LMO7: variants seen among roughly 807,000 people sequenced by gnomAD.
The protein encoded by LMO7 is LIM domain only protein 7.
LMO7 carries 120 observed loss-of-function variants against 206.5 expected under a neutral mutation model. That is an observed-to-expected ratio of 0.58 (90% CI 0.50 to 0.68). LMO7 has a LOEUF of 0.68. Among genes scored for constraint, LMO7 ranks in the 30% least tolerant of loss-of-function variants. The pLI, the probability that LMO7 is intolerant of heterozygous loss-of-function variation, is 0.00. For missense variants in LMO7, 1,959 were observed against 1,957.9 expected (o/e 1.00, Z -0.01); for synonymous variants, 706 against 681.5 (o/e 1.04, Z -0.56).
chr13:75,697,197 C>T (rs2041969656), intron 1 of LMO7, among the ~76,000 whole-genome samples: 1 of 152,092 alleles, frequency 6.6e-6, no homozygotes, highest in Non-Finnish European at 1.5e-5. Context: ...AAGGCACGTT[C>T]TCAAGGCCAA....
intron 1 of LMO7, among the ~76,000 whole-genome samples, chr13:75,647,066 GGTGTGT>G (rs10617403): frequency 5.3e-5 from 8 of 150,898 alleles, no homozygotes; most frequent in Admixed American, 1.3e-4. Context: ...TATATACATA[GGTGTGT>G]GTGTGTGTGT....
chr13:75,709,530 G>A (rs2042916558), intron 1 of LMO7, among the ~76,000 whole-genome samples: 1 of 152,050 alleles, frequency 6.6e-6, no homozygotes, highest in Non-Finnish European at 1.5e-5. Context: ...GTTTTGATTT[G>A]CATTTCTCTG....
At chr13:75,728,255 T>A (rs2044694814) in intron 3 of LMO7, among the ~76,000 whole-genome samples, 1 of 152,162 alleles carries the variant, frequency 6.6e-6, no homozygotes. Flanking sequence ...GTAAAAGTGT[T>A]CCTATTTCTC....
intron 1 of LMO7, among the ~76,000 whole-genome samples, chr13:75,694,041 T>C (rs1352554585): frequency 6.6e-6 from 1 of 152,214 alleles, no homozygotes; most frequent in Non-Finnish European, 1.5e-5. Flanking sequence ...TACGAATACT[T>C]ACTGTCATGC....
intron 3 of LMO7, among the ~76,000 whole-genome samples, chr13:75,757,778 G>A (rs2047790901): frequency 6.7e-6 from 1 of 148,874 alleles, no homozygotes; most frequent in South Asian, 2.1e-4. Flanking sequence ...ATACATTTAG[G>A]GCTCATTGTT....
intron 1 of LMO7, among the ~76,000 whole-genome samples, chr13:75,690,523 T>C (rs1447506774): frequency 6.6e-6 from 1 of 152,214 alleles, no homozygotes; most frequent in African/African-American, 2.4e-5. Flanking sequence ...AGTACTTGAT[T>C]GACAAATGTT....
intron 1 of LMO7, among the ~76,000 whole-genome samples, chr13:75,643,509 TG>T (rs1247367849): frequency 1.3e-5 from 2 of 152,234 alleles, no homozygotes; most frequent in Non-Finnish European, 2.9e-5. Context: ...ATAAAAAGGT[TG>T]GCCTATTTAA....
chr13:75,651,394 C>G (rs1436142484), intron 1 of LMO7, among the ~76,000 whole-genome samples: 1 of 151,112 alleles, frequency 6.6e-6, no homozygotes, highest in African/African-American at 2.4e-5. Flanking sequence ...ACTGTGACTT[C>G]CGCCTCCAGG....
intron 3 of LMO7, among the ~76,000 whole-genome samples, chr13:75,736,083 T>G (rs1474615507): frequency 6.6e-6 from 1 of 152,232 alleles, no homozygotes; most frequent in Non-Finnish European, 1.5e-5. Flanking sequence ...TATGATTATA[T>G]GAAAGCACAA....
At chr13:75,625,750 T>C (rs1181754356) in intron 2 of LMO7, among the ~76,000 whole-genome samples, 1 of 152,228 alleles carries the variant, frequency 6.6e-6, no homozygotes, top group African/African-American at 2.4e-5. Context: ...TGGTTTACTT[T>C]AGAGATCATC....
chr13:75,786,688 C>T (rs1334217335), intron 4 of LMO7, among the ~76,000 whole-genome samples: 1 of 152,080 alleles, frequency 6.6e-6, no homozygotes, highest in African/African-American at 2.4e-5. Flanking sequence ...CCCGGCCTCT[C>T]TCTACTTATT....
intron 1 of LMO7, among the ~76,000 whole-genome samples, chr13:75,652,880 T>G (rs2139158105): frequency 6.6e-6 from 1 of 152,222 alleles, no homozygotes; most frequent in Non-Finnish European, 1.5e-5. Flanking sequence ...GGATAGGGAA[T>G]GTAGGACAAG....
At chr13:75,845,285 AT>A (rs3832886) in intron 25 of LMO7, 41 bp from the exon 26 acceptor site, 735,698 of 1,022,708 alleles carry the variant, frequency 0.72, 266,592 homozygotes, top group Middle Eastern at 0.83. Flanking sequence ...AAAGGAGGTT[AT>A]TTAATGAGAC....
intron 15 of LMO7, among the ~76,000 whole-genome samples, chr13:75,832,237 G>A (rs1173094216): frequency 6.6e-6 from 1 of 152,100 alleles, no homozygotes; most frequent in Non-Finnish European, 1.5e-5. Flanking sequence ...CGAAACATTT[G>A]GTTTAGAAAA....
At chr13:75,715,976 T>C (rs955780518) in intron 2 of LMO7, among the ~76,000 whole-genome samples, 1 of 152,326 alleles carries the variant, frequency 6.6e-6, no homozygotes, top group Middle Eastern at 3.4e-3. Context: ...AGGTGAAATA[T>C]GATTAGGATA....
rs1253589482 is a variant in LMO7 at position 75,713,179 on chromosome 13, C to T, written c.70-3C>T. 2 of 1,610,596 alleles carry T rather than the reference C, an allele frequency of 1.2e-6. No homozygotes were observed. Among genetic ancestry groups the T allele is most frequent in the East Asian group, 2.2e-5 (1 of 44,824 alleles). ...AAAATTAACAACCAAACCTATCTTT[C>T]AGGCAGTAACAGAGAAGAATTTTGA... is the stretch of plus-strand genomic sequence containing the variant. On this transcript the variant is annotated splice_polypyrimidine_tract_variant and splice_region_variant and intron_variant, in intron 1 of 30. Transcript: ENST00000377534.
At chr13:75,811,113 C>T (rs548132653) in intron 11 of LMO7, among the ~76,000 whole-genome samples, 2 of 152,146 alleles carry the variant, frequency 1.3e-5, no homozygotes, top group South Asian at 4.2e-4. Context: ...TGTTTTGGAC[C>T]ACTTGAAGTC....
chr13:75,805,329 T>C, intron 8 of LMO7, 150 bp from the exon 9 acceptor site: 1 of 976,052 alleles, frequency 1.0e-6, no homozygotes, highest in Non-Finnish European at 1.5e-6. Context: ...TTATAATAAC[T>C]TTGTCCTAGG....
chr13:75,751,362 A>G (rs1047887009), intron 3 of LMO7, among the ~76,000 whole-genome samples: 1 of 151,748 alleles, frequency 6.6e-6, no homozygotes, highest in Non-Finnish European at 1.5e-5. Flanking sequence ...GGGTTTCACC[A>G]TGTTAGTTAG....
Sources: allele counts gnomAD v4.1 joint callset (sites outside exome capture counted in the v4.1 genomes callset), GRCh38; gene constraint gnomAD v4.1.1; transcripts MANE v1.5; gene names NCBI Gene and HGNC (gene_info 2026-07-23, HGNC 2026-07-21).